Variants in RCAN2 observed in about 807,000 individuals in gnomAD.
RCAN2 encodes the protein regulator of calcineurin 2.
RCAN2 carries 9 observed loss-of-function variants against 23.6 expected under a neutral mutation model. The ratio of observed to expected loss-of-function variants is 0.38; its 90% CI spans 0.23 to 0.67. The LOEUF is 0.67. Ranked by LOEUF, RCAN2 falls within the 30% of genes least tolerant of loss-of-function variation. RCAN2 has a pLI of 0.51. For synonymous variants in RCAN2, 109 were observed against 115.7 expected (o/e 0.94, Z 0.37); for missense variants, 273 against 302.3 (o/e 0.90, Z 0.72).
At chr6:46,316,330 G>A (rs1298615335) in intron 2 of RCAN2, among the ~76,000 whole-genome samples, 3 of 152,174 alleles carry the variant, frequency 2.0e-5, no homozygotes, top group Non-Finnish European at 4.4e-5. Context: ...TATGAGGTAA[G>A]CAGTATTATT....
chr6:46,420,707 C>A (rs1437564957), intron 2 of RCAN2, among the ~76,000 whole-genome samples: 1 of 151,914 alleles, frequency 6.6e-6, no homozygotes. Flanking sequence ...TCAGGCCCGG[C>A]TACTTTTTTT....
chr6:46,386,372 G>A (rs1359800795), intron 2 of RCAN2, among the ~76,000 whole-genome samples: 3 of 151,912 alleles, frequency 2.0e-5, no homozygotes, highest in East Asian at 1.9e-4. Context: ...GCCAAGGCGA[G>A]TGAATCACCT....
At chr6:46,302,963 A>G (rs567248358) in intron 2 of RCAN2, among the ~76,000 whole-genome samples, 30 of 152,148 alleles carry the variant, frequency 2.0e-4, no homozygotes, top group African/African-American at 7.2e-4. Flanking sequence ...CTGACTCCCA[A>G]GAGCCTCAGT....
intron 1 of RCAN2, among the ~76,000 whole-genome samples, chr6:46,470,542 C>T (rs1468946098): frequency 6.6e-6 from 1 of 152,166 alleles, no homozygotes; most frequent in East Asian, 1.9e-4. Context: ...TATATAGTTA[C>T]TTAATAGCTC....
At chr6:46,425,481 C>A (rs906508607) in intron 2 of RCAN2, among the ~76,000 whole-genome samples, 4 of 152,034 alleles carry the variant, frequency 2.6e-5, no homozygotes, top group African/African-American at 9.7e-5. Context: ...TCTTAGTAAC[C>A]CCCAGGAATT....
chr6:46,400,003 T>C (rs1418294836), intron 2 of RCAN2, among the ~76,000 whole-genome samples: 1 of 152,158 alleles, frequency 6.6e-6, no homozygotes, highest in African/African-American at 2.4e-5. Flanking sequence ...GTCTCACAGA[T>C]TACCTCCTCA....
chr6:46,465,671 GA>G (rs2150438031), intron 1 of RCAN2, among the ~76,000 whole-genome samples: 1 of 152,272 alleles, frequency 6.6e-6, no homozygotes, highest in Non-Finnish European at 1.5e-5. Flanking sequence ...ATCTTTCTCT[GA>G]TCTCCTGCTG....
chr6:46,425,896 C>CTTT (rs1049166361), intron 2 of RCAN2, among the ~76,000 whole-genome samples: 29 of 126,662 alleles, frequency 2.3e-4, no homozygotes, highest in Middle Eastern at 4.3e-3. Context: ...TTCTTTCTTT[C>CTTT]TTTTTTTTTT....
At position 46,280,412 on chromosome 6, in the gene RCAN2, G is replaced by T. The variant is rs1003979849; in HGVS notation, c.226-31516C>A. ...CCTTTGCAAGATGTCAACCCTTAAC[G>T]GTTAAAAGGATCTTTGCTGAAAACT... On this transcript the variant is annotated intron_variant, in intron 2 of 4. Coordinates refer to ENST00000371374, the MANE Select transcript of RCAN2 (RefSeq NM_001251974.2). Among the ~76,000 whole-genome samples, 3 of 151,782 alleles carry T rather than the reference G, an allele frequency of 2.0e-5. No individual in the cohort carries two copies. In the South Asian group the frequency reaches 6.2e-4, roughly 31 times the overall value.
intron 2 of RCAN2, among the ~76,000 whole-genome samples, chr6:46,374,407 T>C (rs1469706591): frequency 6.6e-6 from 1 of 152,232 alleles, no homozygotes; most frequent in Non-Finnish European, 1.5e-5. Context: ...TACATGTTGC[T>C]CCAGCTCTCA....
At chr6:46,470,118 C>A (rs1003564853) in intron 1 of RCAN2, among the ~76,000 whole-genome samples, 5 of 152,238 alleles carry the variant, frequency 3.3e-5, no homozygotes, top group African/African-American at 1.2e-4. Flanking sequence ...TATAGCAGCA[C>A]AAAATGAACT....
rs1561845705 is a variant in RCAN2, at chr6:46,292,434, TTTTG to T, written c.226-43542_226-43539del. On this transcript the variant is annotated intron_variant, in intron 2 of 4. Transcript: ENST00000371374. Reference sequence around the variant, plus strand: ...TTGGGAGTTGATTTGTTGTTTTTTTTTTTGTTTTTTTTTTTGGTGGGGGGGTTGC... The same window carrying T: ...TTGGGAGTTGATTTGTTGTTTTTTTTTTTTTTTTTTTGGTGGGGGGGTTGC... Among the ~76,000 whole-genome samples, 7 of 144,890 alleles carry T rather than the reference TTTTG, an allele frequency of 4.8e-5. 1 individual carries two copies. The highest frequency in any genetic ancestry group is 1.8e-4 in the African/African-American group (7 of 38,090).
intron 2 of RCAN2, among the ~76,000 whole-genome samples, chr6:46,392,789 C>T (rs1765972724): frequency 6.6e-6 from 1 of 152,072 alleles, no homozygotes; most frequent in Non-Finnish European, 1.5e-5. Context: ...AAAACAAATC[C>T]TCCTTGGCCA....
At chr6:46,445,241 TC>T (rs1324978070) in intron 2 of RCAN2, among the ~76,000 whole-genome samples, 1 of 152,058 alleles carries the variant, frequency 6.6e-6, no homozygotes, top group Non-Finnish European at 1.5e-5. Context: ...AGGCTCTAGG[TC>T]CACCCCCATA....
intron 4 of RCAN2, among the ~76,000 whole-genome samples, chr6:46,239,680 G>A (rs769750068): frequency 6.6e-6 from 1 of 152,166 alleles, no homozygotes; most frequent in Non-Finnish European, 1.5e-5. Context: ...AGATGGGGAA[G>A]GGGGAGGATG....
intron 2 of RCAN2, among the ~76,000 whole-genome samples, chr6:46,406,893 T>G (rs1766421369): frequency 6.6e-6 from 1 of 152,202 alleles, no homozygotes. Flanking sequence ...ATTACAATAT[T>G]TCAGTAGAAG....
At position 46,405,861 on chromosome 6, in the gene RCAN2, G is replaced by T. The variant is rs866267683; in HGVS notation, c.225+50891C>A. On this transcript the variant is annotated intron_variant, in intron 2 of 4. Transcript: ENST00000371374. ...CTCGGGCCGCACAGGAGCCCATGGA[G>T]TGGGTGGGAGGCTCAGGCATGGCAG... Among the ~76,000 whole-genome samples the T allele has an allele frequency of 2.6e-5, 4 of 152,214 alleles. No individual in the cohort carries two copies. In the South Asian group the frequency reaches 8.3e-4, roughly 31 times the overall value.
intron 2 of RCAN2, among the ~76,000 whole-genome samples, chr6:46,314,787 G>C (rs933033105): frequency 2.0e-5 from 3 of 152,108 alleles, no homozygotes; most frequent in African/African-American, 7.2e-5. Flanking sequence ...ATTCTGTGTG[G>C]GTGTGGTCGC....
At chr6:46,290,055 T>C (rs6907350) in intron 2 of RCAN2, among the ~76,000 whole-genome samples, 2,369 of 152,168 alleles carry the variant, frequency 0.016, 58 homozygotes, top group African/African-American at 0.051. Context: ...TGGCAGGGCT[T>C]GCTTCCAGGA....
Sources: gnomAD v4.1 joint callset for allele counts (sites outside exome capture counted in the v4.1 genomes callset) on GRCh38, gnomAD v4.1.1 for gene constraint, MANE v1.5 for transcripts, NCBI Gene and HGNC (gene_info 2026-07-23, HGNC 2026-07-21) for gene names.